The following AGBL4 variants were observed in gnomAD, a reference collection of about 807,000 sequenced individuals.
AGBL4 encodes cytosolic carboxypeptidase 6.
In AGBL4, 58 loss-of-function variants were observed where a neutral mutation model predicts 66.4. That is an observed-to-expected ratio of 0.87 (90% confidence interval 0.71 to 1.09). The LOEUF (loss-of-function observed/expected upper bound fraction) is 1.09. Ranked by LOEUF, AGBL4 falls within the 50% of genes least tolerant of loss-of-function variation. AGBL4 has a pLI of 0.00. For synonymous variants in AGBL4, 234 were observed against 222.9 expected, an observed-to-expected ratio of 1.05 and a Z score of -0.44; for missense variants, 579 against 631.0, an observed-to-expected ratio of 0.92 and a Z score of 0.88.
chr1:49,546,921 T>C (rs1356013827), intron 3 of AGBL4, among the ~76,000 whole-genome samples: 2 of 152,244 alleles, frequency 1.3e-5, no homozygotes, highest in Admixed American at 1.3e-4. Context: ...GTCAGATGTA[T>C]AGATTGTGAA....
intron 1 of AGBL4, among the ~76,000 whole-genome samples, chr1:49,881,368 G>C (rs887517453): frequency 1.3e-5 from 2 of 152,112 alleles, no homozygotes; most frequent in African/African-American, 4.8e-5. Context: ...TGTCTTTACA[G>C]CAGCATGATT....
intron 9 of AGBL4, among the ~76,000 whole-genome samples, chr1:48,622,410 G>A (rs905539618): frequency 2.0e-5 from 3 of 150,758 alleles, no homozygotes; most frequent in Non-Finnish European, 4.4e-5. Context: ...TGGTTGATTT[G>A]GTTTGGAACT....
chr1:49,947,979 A>AAT (rs1299763939), intron 1 of AGBL4, among the ~76,000 whole-genome samples: 21 of 95,202 alleles, frequency 2.2e-4, no homozygotes, highest in African/African-American at 8.0e-4. Flanking sequence ...TATATTTATA[A>AAT]ATATATATTT....
At chr1:49,597,318 A>C (rs773139445) in intron 3 of AGBL4, among the ~76,000 whole-genome samples, 18 of 152,244 alleles carry the variant, frequency 1.2e-4, no homozygotes, top group Non-Finnish European at 2.2e-4. Flanking sequence ...TAGATATTAA[A>C]TGAACAATTT....
intron 6 of AGBL4, among the ~76,000 whole-genome samples, chr1:48,664,157 C>T (rs1258183888): frequency 6.6e-6 from 1 of 152,192 alleles, no homozygotes; most frequent in Non-Finnish European, 1.5e-5. Flanking sequence ...AGAAGCCTCA[C>T]TGAGATTCAA....
At chr1:48,589,732 G>A (rs553750212) in intron 10 of AGBL4, among the ~76,000 whole-genome samples, 47 of 152,316 alleles carry the variant, frequency 3.1e-4, no homozygotes, top group Non-Finnish European at 6.0e-4. Flanking sequence ...CTTCCAGGAA[G>A]CTATAATGCA....
intron 3 of AGBL4, among the ~76,000 whole-genome samples, chr1:49,372,384 C>A (rs1644364305): frequency 6.6e-6 from 1 of 152,206 alleles, no homozygotes. Context: ...AATACACAAG[C>A]TCCTTAGCAA....
chr1:49,655,896 C>A (rs1646118507), intron 3 of AGBL4, among the ~76,000 whole-genome samples: 1 of 152,182 alleles, frequency 6.6e-6, no homozygotes, highest in African/African-American at 2.4e-5. Flanking sequence ...TGCCTATAAT[C>A]CCAGCACTTT....
intron 6 of AGBL4, among the ~76,000 whole-genome samples, chr1:48,784,898 G>T (rs1383083999): frequency 1.3e-5 from 2 of 152,156 alleles, no homozygotes; most frequent in South Asian, 2.1e-4. Flanking sequence ...GTAAAAAATT[G>T]TCACAAAGAA....
chr1:48,956,898 G>T (rs1657495960), intron 5 of AGBL4, among the ~76,000 whole-genome samples: 1 of 151,856 alleles, frequency 6.6e-6, no homozygotes, highest in South Asian at 2.1e-4. Context: ...GCTTTATAGA[G>T]GAAGTAAATT....
intron 3 of AGBL4, among the ~76,000 whole-genome samples, chr1:49,682,360 C>T (rs1419144620): frequency 2.0e-5 from 3 of 152,066 alleles, no homozygotes; most frequent in Non-Finnish European, 4.4e-5. Context: ...GCCGAGATCA[C>T]GCCACTGCAC....
At chr1:48,843,950 T>C (rs1646858227) in intron 6 of AGBL4, among the ~76,000 whole-genome samples, 1 of 152,282 alleles carries the variant, frequency 6.6e-6, no homozygotes, top group South Asian at 2.1e-4. Flanking sequence ...TATTGAATAT[T>C]ATATTTCTTA....
chr1:49,518,529 G>A (rs1445069205), intron 3 of AGBL4, among the ~76,000 whole-genome samples: 1 of 152,010 alleles, frequency 6.6e-6, no homozygotes, highest in African/African-American at 2.4e-5. Flanking sequence ...TATAACATCA[G>A]TGTCAATAAG....
chr1:48,876,737 T>C (rs1649271646), intron 5 of AGBL4, among the ~76,000 whole-genome samples: 1 of 152,222 alleles, frequency 6.6e-6, no homozygotes, highest in Admixed American at 6.5e-5. Context: ...TTGATAGTTT[T>C]TTAATACCTG....
Position 49,682,804 on chromosome 1 carries a change from G to C in AGBL4, c.282+14509C>G, listed in dbSNP as rs544373371. Among the ~76,000 whole-genome samples the C allele has an allele frequency of 2.6e-4, 40 of 152,312 alleles. No individual in the cohort carries two copies. In the South Asian group the frequency reaches 8.3e-3, roughly 32 times the overall value. ...TTTTTCACTGGGCTTCGCAAATTAT[G>C]TAGATGAACCTGTCCTAGGAAGACA... On this transcript the variant is annotated intron_variant, in intron 3 of 13. Coordinates refer to ENST00000371839, the MANE Select transcript of AGBL4 (RefSeq NM_032785.4).
chr1:49,232,175 T>A (rs1650366996), intron 4 of AGBL4, among the ~76,000 whole-genome samples: 1 of 152,176 alleles, frequency 6.6e-6, no homozygotes, highest in African/African-American at 2.4e-5. Context: ...CAACTCTGGG[T>A]ATATTAAAAA....
At position 50,004,159 on chromosome 1, in the gene AGBL4, T is replaced by C. The variant is rs143544289; in HGVS notation, c.34+19604A>G. Among the ~76,000 whole-genome samples, 169 of 152,244 alleles carry C rather than the reference T, an allele frequency of 1.1e-3. 2 individuals are homozygous for C. In the South Asian group the frequency reaches 0.016, roughly 14 times the overall value. On this transcript the variant is annotated intron_variant, in intron 1 of 13. Coordinates refer to ENST00000371839, the MANE Select transcript of AGBL4 (RefSeq NM_032785.4). Reference sequence around the variant, plus strand: ...AAGAAATGCAGTGATTGTGGGACTTTTCATTGGAACTCAGTGCTACCCTGT... The same window carrying C: ...AAGAAATGCAGTGATTGTGGGACTTCTCATTGGAACTCAGTGCTACCCTGT...
At chr1:49,552,196 G>A (rs143133480) in intron 3 of AGBL4, among the ~76,000 whole-genome samples, 4 of 152,252 alleles carry the variant, frequency 2.6e-5, no homozygotes, top group Non-Finnish European at 5.9e-5. Flanking sequence ...CAGTGGGTGA[G>A]CCAGGCTTGA....
At chr1:49,938,604 C>T (rs1039788229) in intron 1 of AGBL4, among the ~76,000 whole-genome samples, 2 of 152,182 alleles carry the variant, frequency 1.3e-5, no homozygotes, top group African/African-American at 2.4e-5. Context: ...CAATAAAATA[C>T]TGGCAAACCG....
Sources: gnomAD v4.1 joint callset for allele counts (sites outside exome capture counted in the v4.1 genomes callset) on GRCh38, gnomAD v4.1.1 for gene constraint, MANE v1.5 for transcripts, NCBI Gene and HGNC (gene_info 2026-07-23, HGNC 2026-07-21) for gene names.